PCDHGB6: variants seen among roughly 807,000 people sequenced by gnomAD.
PCDHGB6 encodes protocadherin gamma subfamily B, 6, also known as protocadherin gamma-B6.
In PCDHGB6, 51 loss-of-function variants were observed where a neutral mutation model predicts 59.1. That is an observed-to-expected ratio of 0.86 (90% CI 0.69 to 1.09). The LOEUF (loss-of-function observed/expected upper bound fraction) is 1.09, where lower values mean the gene tolerates loss of function less well. Ranked by LOEUF, PCDHGB6 falls within the 50% of genes least tolerant of loss-of-function variation. PCDHGB6 has a pLI of 0.00. For missense variants in PCDHGB6, 1,148 were observed against 1,205.1 expected (o/e 0.95, Z 0.70); for synonymous variants, 466 against 495.1 (o/e 0.94, Z 0.78).
intron 1 of PCDHGB6, chr5:141,414,324 T>G (rs2095735584): frequency 6.2e-7 from 1 of 1,613,758 alleles, no homozygotes; most frequent in South Asian, 1.1e-5. Context: ...CTGAGCAGAA[T>G]GGACAGGTAA....
At chr5:141,462,503 A>G (rs1338834436) in intron 1 of PCDHGB6, among the ~76,000 whole-genome samples, 1 of 152,060 alleles carries the variant, frequency 6.6e-6, no homozygotes, top group East Asian at 1.9e-4. Context: ...ATAATTGTCA[A>G]CTAGATCAAG....
intron 1 of PCDHGB6, chr5:141,419,413 C>A (rs568417008): frequency 6.2e-7 from 1 of 1,613,444 alleles, no homozygotes; most frequent in South Asian, 1.1e-5. Flanking sequence ...TCGCGCAGCG[C>A]GCCTTCGACC....
At chr5:141,470,589 G>A (rs1593264687) in intron 1 of PCDHGB6, among the ~76,000 whole-genome samples, 1 of 152,300 alleles carries the variant, frequency 6.6e-6, no homozygotes, top group East Asian at 1.9e-4. Flanking sequence ...TCATAGGCAG[G>A]CGACCTGTGC....
intron 1 of PCDHGB6, chr5:141,415,272 A>G (rs771588742): frequency 1.3e-5 from 21 of 1,614,208 alleles, no homozygotes; most frequent in African/African-American, 9.3e-5. Context: ...ACCTGGTGGT[A>G]GCGGTGGCCG....
At position 141,486,579 on chromosome 5, in the gene PCDHGB6, G is replaced by A. The variant is rs747583158; in HGVS notation, c.2419-8228G>A. On this transcript the variant is annotated intron_variant, in intron 1 of 3. Coordinates refer to ENST00000520790, the MANE Select transcript of PCDHGB6 (RefSeq NM_018926.3). The surrounding 1 kb of genome is among the most constrained non-coding windows in gnomAD (Gnocchi z 5.0). ...GAGGTGTTTGTTCCTGAGAACAATC[G>A]CCCAGGGGACCTGCTTTGCTCCCTT... is the stretch of plus-strand genomic sequence containing the variant. The A allele has an allele frequency of 5.1e-5, 82 of 1,613,426 alleles. No homozygotes were observed. Among genetic ancestry groups the A allele is most frequent in the South Asian group, 2.2e-4 (20 of 91,084 alleles).
At chr5:141,507,283 G>T (rs917383969) in intron 3 of PCDHGB6, 2 of 150,498 alleles carry the variant, frequency 1.3e-5, no homozygotes, top group Non-Finnish European at 2.9e-5. Context: ...GCATAAGTCA[G>T]TCTCAAATGT....
Position 141,477,099 on chromosome 5 carries a change from G to C in PCDHGB6, c.2419-17708G>C. On this transcript the variant is annotated intron_variant, in intron 1 of 3. Transcript: ENST00000520790. This position sits in a 1 kb window ranked among gnomAD's most constrained non-coding sequence, Gnocchi z 4.9. ...ATTTACATCCAGGCCAAAGACAAGG[G>C]CGCCAATCCCGAAGGAGCACATTGC... 6.2e-7 allele frequency: 1 copy of C among 1,614,256 alleles called. No individual in the cohort carries two copies. Among genetic ancestry groups the C allele is most frequent in the Non-Finnish European group, 8.5e-7 (1 of 1,180,054 alleles).
rs980871481 is a variant in PCDHGB6, at chr5:141,409,870, T to A, written c.1668T>A (p.Asn556Lys). Residue 556 changes from asparagine (N) to lysine (K), a missense_variant, in exon 1 of 4, where the codon AAT (asparagine) becomes AAA (lysine). By Grantham distance (94) the Asn-to-Lys change is moderately conservative. Around this residue, in one of 5 missense-constraint regions of PCDHGB6, gnomAD observed 549 missense variants for 527.5 expected, o/e 1.04. Transcript: ENST00000520790. ...TGCGCGTGTTGGTGGGAGACCGCAA[T>A]GACAACGCACCGCGGGTGCTGTACC... ...VSLRVLVGDR[N>K]DNAPRVLYPA... is the part of the protein sequence containing the mutation. 1.2e-6 allele frequency: 2 copies of A among 1,612,670 alleles called. No individual in the cohort carries two copies. The highest frequency in any genetic ancestry group is 1.7e-5 in the Admixed American group (1 of 59,904).
At chr5:141,411,880 A>G (rs1030232942) in intron 1 of PCDHGB6, 2 of 152,240 alleles carry the variant, frequency 1.3e-5, no homozygotes, top group African/African-American at 4.8e-5. Flanking sequence ...GACATTTCTA[A>G]GAAATAAATG....
chr5:141,436,781 A>C (rs1041532929), intron 1 of PCDHGB6, among the ~76,000 whole-genome samples: 1 of 152,236 alleles, frequency 6.6e-6, no homozygotes, highest in Admixed American at 6.5e-5. Flanking sequence ...TGTGGATGGA[A>C]ATAAAACTGT....
Position 141,409,870 on chromosome 5 carries a change from T to C in PCDHGB6, c.1668T>C (p.Asn556=). The C allele has an allele frequency of 6.2e-7, 1 of 1,612,788 alleles. No homozygotes were observed. The highest frequency in any genetic ancestry group is 8.5e-7 in the Non-Finnish European group (1 of 1,179,554). Residue 556 remains asparagine (N), a synonymous_variant, in exon 1 of 4, where the codon AAT becomes AAC. Coordinates refer to ENST00000520790, the MANE Select transcript of PCDHGB6 (RefSeq NM_018926.3). ...TGCGCGTGTTGGTGGGAGACCGCAA[T>C]GACAACGCACCGCGGGTGCTGTACC... The part of the protein sequence containing the change: ...VSLRVLVGDR[N]DNAPRVLYPA...
chr5:141,511,453 T>G lies in PCDHGB6; in HGVS notation c.*280T>G. 1.7e-6 allele frequency: 1 copy of G among 595,822 alleles called. No individual in the cohort carries two copies. Among genetic ancestry groups the G allele is most frequent in the Non-Finnish European group, 2.8e-6 (1 of 360,062 alleles). 36.9% of individuals were successfully genotyped at this position (595,822 alleles called of 1,614,324 possible). ...GGTTACTGTAGACACCAAGAACCATTTGCCACACCCCGTTTAGTTACAGCT... is the reference window on the plus strand; with the variant it reads ...GGTTACTGTAGACACCAAGAACCATGTGCCACACCCCGTTTAGTTACAGCT... On this transcript the variant is annotated 3_prime_UTR_variant, in exon 4 of 4. Transcript: ENST00000520790.
At chr5:141,449,407 G>A (rs1367837385) in intron 1 of PCDHGB6, among the ~76,000 whole-genome samples, 2 of 151,754 alleles carry the variant, frequency 1.3e-5, no homozygotes, top group Non-Finnish European at 2.9e-5. Flanking sequence ...AGGAGTTCAA[G>A]ACCAGCCTGG....
chr5:141,465,627 A>C lies in PCDHGB6; in HGVS notation c.2419-29180A>C, dbSNP rs370355596. 1.1e-4 allele frequency among the ~76,000 whole-genome samples: 17 copies of C among 152,326 alleles called. 1 individual carries two copies. The South Asian group carries it at 3.3e-3, about 30-fold the overall frequency. On this transcript the variant is annotated intron_variant, in intron 1 of 3. Coordinates refer to ENST00000520790, the MANE Select transcript of PCDHGB6 (RefSeq NM_018926.3). ...TCTTTGGCCCTCCAGGAAGTCAACCAGCAAAATGCTTTGAACATCCCAAAA... is the reference window on the plus strand; with the variant it reads ...TCTTTGGCCCTCCAGGAAGTCAACCCGCAAAATGCTTTGAACATCCCAAAA...
chr5:141,415,883 G>A (rs2095968409), intron 1 of PCDHGB6: 1 of 983,982 alleles, frequency 1.0e-6, no homozygotes, highest in African/African-American at 1.7e-5. Context: ...GTACAATATT[G>A]ACAATTCCTA....
At chr5:141,509,032 A>G (rs2099873869) in intron 3 of PCDHGB6, among the ~76,000 whole-genome samples, 1 of 151,488 alleles carries the variant, frequency 6.6e-6, no homozygotes, top group African/African-American at 2.4e-5. Flanking sequence ...CTCCCACTCA[A>G]CCCCTCTCCC....
intron 1 of PCDHGB6, chr5:141,428,105 G>A: frequency 1.9e-6 from 3 of 1,608,184 alleles, no homozygotes; most frequent in Admixed American, 1.7e-5. Flanking sequence ...ACCACGTGCT[G>A]CAGGCCATCG....
At chr5:141,439,739 G>A (rs867225156) in intron 1 of PCDHGB6, 4 of 152,312 alleles carry the variant, frequency 2.6e-5, no homozygotes, top group Non-Finnish European at 5.9e-5. Flanking sequence ...GGAACGGAAC[G>A]GATTTACAGG....
chr5:141,484,930 G>A (rs992641330), intron 1 of PCDHGB6: 2 of 501,452 alleles, frequency 4.0e-6, no homozygotes, highest in South Asian at 2.6e-5. Flanking sequence ...CTGCTGTTGG[G>A]ACGTTCTCTG....
Sources: allele counts gnomAD v4.1 joint callset (sites outside exome capture counted in the v4.1 genomes callset), GRCh38; gene constraint gnomAD v4.1.1; regional missense constraint gnomAD v4.1.1; non-coding constraint Gnocchi (gnomAD v3.1); transcripts MANE v1.5; gene names NCBI Gene and HGNC (gene_info 2026-07-23, HGNC 2026-07-21).